The following COL4A5 variants were observed in gnomAD, a reference collection of about 807,000 sequenced individuals.
The protein encoded by COL4A5 is collagen alpha-5(IV) chain.
A neutral mutation model predicts 130.2 loss-of-function variants in COL4A5; 26 were observed. The observed-to-expected ratio is 0.20, with a 90% CI of 0.15 to 0.28. The LOEUF is 0.28. Ranked by LOEUF, COL4A5 falls within the 10% of genes least tolerant of loss-of-function variation. The pLI is 1.00. For synonymous variants in COL4A5, 496 were observed against 439.6 expected (o/e 1.13, Z -1.60); for missense variants, 1,131 against 1,344.3 (o/e 0.84, Z 2.48).
intron 1 of COL4A5, among the ~76,000 whole-genome samples, chrX:108,531,061 G>A (rs1165670038): frequency 9.4e-6 from 1 of 106,276 alleles, no homozygotes; most frequent in African/African-American, 3.4e-5. Context: ...CCTTTGTGGG[G>A]ACATGGATGA....
intron 42 of COL4A5, among the ~76,000 whole-genome samples, chrX:108,672,470 C>A (rs2068224135): frequency 8.9e-6 from 1 of 112,344 alleles, no homozygotes; most frequent in Admixed American, 9.5e-5. Context: ...TTCTTCTTTG[C>A]AAGACTACAA....
intron 1 of COL4A5, among the ~76,000 whole-genome samples, chrX:108,474,566 A>T (rs893624517): frequency 3.6e-5 from 4 of 112,295 alleles, no homozygotes; most frequent in African/African-American, 1.3e-4. Flanking sequence ...TAAGTGATGC[A>T]TGACTGTAAT....
intron 1 of COL4A5, among the ~76,000 whole-genome samples, chrX:108,468,301 G>A (rs1287953760): frequency 9.0e-6 from 1 of 111,092 alleles, no homozygotes; most frequent in Non-Finnish European, 1.9e-5. Context: ...AAATATATCT[G>A]CAAAGAGAGA....
At chrX:108,649,203 C>T (rs778106985) in intron 36 of COL4A5, among the ~76,000 whole-genome samples, 4 of 110,734 alleles carry the variant, frequency 3.6e-5, no homozygotes, top group East Asian at 2.8e-4. Context: ...ACCAAGGAGA[C>T]GAAAGACCTC....
chrX:108,685,952 G>T, intron 47 of COL4A5, 79 bp from the exon 48 acceptor site: 1 of 862,106 alleles, frequency 1.2e-6, no homozygotes, highest in Non-Finnish European at 1.7e-6. Flanking sequence ...TCAGTGTCTC[G>T]AGAACCTTAT....
intron 42 of COL4A5, among the ~76,000 whole-genome samples, chrX:108,672,529 A>G (rs190880366): frequency 3.6e-5 from 4 of 112,093 alleles, no homozygotes; most frequent in African/African-American, 1.3e-4. Flanking sequence ...TCATCAGTAT[A>G]CCTTTAGTAA....
At chrX:108,643,041 A>C (rs2067503697) in intron 36 of COL4A5, among the ~76,000 whole-genome samples, 1 of 111,382 alleles carries the variant, frequency 9.0e-6, no homozygotes, top group Non-Finnish European at 1.9e-5. Flanking sequence ...GAAATATTAA[A>C]GGAAATAGAT....
intron 1 of COL4A5, among the ~76,000 whole-genome samples, chrX:108,516,613 C>A (rs2065223725): frequency 9.0e-6 from 1 of 111,636 alleles, no homozygotes; most frequent in Admixed American, 9.5e-5. Context: ...AATTAAGGTT[C>A]ATCTTATTTC....
At chrX:108,607,104 C>T (rs773973459) in intron 29 of COL4A5, among the ~76,000 whole-genome samples, 5 of 110,880 alleles carry the variant, frequency 4.5e-5, no homozygotes, top group Admixed American at 1.9e-4. Context: ...CGGTGGCTCA[C>T]TCCTGTAATC....
chrX:108,636,362 T>A (rs2067354942), intron 36 of COL4A5, among the ~76,000 whole-genome samples: 2 of 110,167 alleles, frequency 1.8e-5, no homozygotes, highest in South Asian at 7.7e-4. Context: ...AAAGGAAAAA[T>A]AAATTGGGCT....
Position 108,473,633 on chromosome X carries a change from A to ATTTTTTTTTTTTTTTTT in COL4A5, c.81+33440_81+33441insTTTTTTTTTTTTTTTTT, listed in dbSNP as rs1203616884. The stretch of plus-strand genomic sequence containing the variant: ...TATATGTATATATATATATATATAT[A>ATTTTTTTTTTTTTTTTT]TTTTTTTTTTTTTGAGATGAAGTCT... On this transcript the variant is annotated intron_variant, in intron 1 of 52. Transcript: ENST00000328300. 5.8e-5 allele frequency among the ~76,000 whole-genome samples: 2 copies of ATTTTTTTTTTTTTTTTT among 34,560 alleles called. 1 individual carries two copies. Among genetic ancestry groups the ATTTTTTTTTTTTTTTTT allele is most frequent in the African/African-American group, 2.2e-4 (2 of 9,273 alleles). The allele number at this position is 34,560 out of a possible 115,157, so 30.0% of individuals were successfully genotyped here. A position where few individuals can be genotyped will look rare whatever the true frequency, so the allele number is the denominator to read the frequency against.
chrX:108,614,869 A>G (rs996289792), intron 29 of COL4A5, 42 bp from the exon 30 acceptor site: 2 of 932,914 alleles, frequency 2.1e-6, no homozygotes, highest in Admixed American at 2.2e-5. Flanking sequence ...CTAGTGACTC[A>G]GGTGTTGCTT....
intron 29 of COL4A5, among the ~76,000 whole-genome samples, chrX:108,609,618 T>A (rs1316720390): frequency 8.9e-6 from 1 of 111,915 alleles, no homozygotes; most frequent in East Asian, 2.8e-4. Flanking sequence ...TCTTATATGA[T>A]TATAATTTTC....
chrX:108,575,073 G>A (rs2066122664), intron 9 of COL4A5, among the ~76,000 whole-genome samples: 1 of 111,086 alleles, frequency 9.0e-6, no homozygotes, highest in African/African-American at 3.3e-5. Flanking sequence ...ACAGGTGTAA[G>A]CCTCTGTGCC....
chrX:108,661,426 G>C (rs1337916425), intron 37 of COL4A5, among the ~76,000 whole-genome samples: 1 of 111,093 alleles, frequency 9.0e-6, no homozygotes, highest in Non-Finnish European at 1.9e-5. Flanking sequence ...TTTCCATTTG[G>C]TTCTTTTAAG....
At chrX:108,591,309 TG>T in intron 20 of COL4A5, 78 bp downstream of exon 20, 1 of 995,670 alleles carries the variant, frequency 1.0e-6, no homozygotes, top group Non-Finnish European at 1.4e-6. Flanking sequence ...AGCTAAAGGT[TG>T]GCCTCATTTG....
chrX:108,624,869 T>C (rs1217170528), intron 34 of COL4A5, among the ~76,000 whole-genome samples: 2 of 111,412 alleles, frequency 1.8e-5, no homozygotes, highest in Admixed American at 9.6e-5. Context: ...TAAAACTCTT[T>C]CTTGTTTCTT....
chrX:108,599,018 A>G, intron 25 of COL4A5, 148 bp downstream of exon 25: 1 of 521,892 alleles, frequency 1.9e-6, no homozygotes, highest in Non-Finnish European at 3.2e-6. Context: ...AGGGATCACA[A>G]TGGTTTTTAT....
intron 36 of COL4A5, among the ~76,000 whole-genome samples, chrX:108,646,406 T>C (rs1371016736): frequency 7.1e-5 from 8 of 111,941 alleles, no homozygotes; most frequent in Admixed American, 3.8e-4. Flanking sequence ...TCATATACTT[T>C]GCCCACTTTT....
Sources: allele counts gnomAD v4.1 joint callset (sites outside exome capture counted in the v4.1 genomes callset), GRCh38; gene constraint gnomAD v4.1.1; transcripts MANE v1.5; gene names NCBI Gene and HGNC (gene_info 2026-07-23, HGNC 2026-07-21).